Variants in ANAPC11 observed in about 807,000 individuals in gnomAD.
ANAPC11 encodes anaphase-promoting complex subunit 11.
In ANAPC11, 5 loss-of-function variants were observed where a neutral mutation model predicts 11.8. That is an observed-to-expected ratio of 0.42 (90% CI 0.22 to 0.89). The LOEUF is 0.89. Ranked by LOEUF, ANAPC11 falls within the 40% of genes least tolerant of loss-of-function variation. ANAPC11 has a pLI of 0.28. For missense variants in ANAPC11, 68 were observed against 112.9 expected (o/e 0.60, Z 1.80); for synonymous variants, 45 against 41.0 (o/e 1.10, Z -0.38).
chr17:81,895,481 A>G (rs2039709477), intron 3 of ANAPC11, among the ~76,000 whole-genome samples: 1 of 152,260 alleles, frequency 6.6e-6, no homozygotes, highest in African/African-American at 2.4e-5. Context: ...ACGTGGGATT[A>G]AAAAGAGATT....
chr17:81,891,135 G>T (rs892137189), upstream of ANAPC11: 3 of 601,624 alleles, frequency 5.0e-6, no homozygotes, highest in African/African-American at 3.9e-5. Context: ...TCCGGGACCG[G>T]ACCCCGAAAG....
chr17:81,893,944 T>A (rs967500859), intron 2 of ANAPC11, among the ~76,000 whole-genome samples: 3 of 151,774 alleles, frequency 2.0e-5, no homozygotes, highest in African/African-American at 7.3e-5. Flanking sequence ...GCCCTGACCC[T>A]CTGGGCCCAG....
upstream of ANAPC11, chr17:81,891,035 C>G (rs931806922): frequency 4.4e-5 from 33 of 745,794 alleles, no homozygotes; most frequent in Admixed American, 1.0e-3. Flanking sequence ...ACTAACTTCC[C>G]GCCGCCTGTG....
At chr17:81,899,474 C>T (rs774505492) in intron 3 of ANAPC11, 33 of 1,613,892 alleles carry the variant, frequency 2.0e-5, no homozygotes, top group Non-Finnish European at 2.8e-5. Context: ...CTCCTTGGTG[C>T]CTTGACCATT....
Position 81,899,844 on chromosome 17 carries a change from C to G in ANAPC11, c.110-76C>G, listed in dbSNP as rs964921412. On this transcript the variant is annotated intron_variant, in intron 3 of 3. Coordinates refer to ENST00000344877, the MANE Select transcript of ANAPC11 (RefSeq NM_001002248.3). ...AGCCACTGCCCAGGGTCCCTACCTGCACCCCTGCCTGGCTTGTCACATGCT... is the reference window on the plus strand; with the variant it reads ...AGCCACTGCCCAGGGTCCCTACCTGGACCCCTGCCTGGCTTGTCACATGCT... The G allele has an allele frequency of 2.4e-5, 35 of 1,449,688 alleles. No individual in the cohort carries two copies. The Admixed American group carries it at 3.0e-4, about 12-fold the overall frequency. The allele number at this position is 1,449,688 out of a possible 1,614,324, so 89.8% of individuals were successfully genotyped here.
Position 81,898,903 on chromosome 17 carries a change from C to CA in ANAPC11, c.110-1016dup, listed in dbSNP as rs531709242. ...CTAAACGAGGCCTCCCCCGAGTACT[C>CA]AGAGTGGCCCAGACCCCTCTCCTCA... is the stretch of plus-strand genomic sequence containing the variant. On this transcript the variant is annotated intron_variant, in intron 3 of 3. Coordinates refer to ENST00000344877, the MANE Select transcript of ANAPC11 (RefSeq NM_001002248.3). 149 of 359,120 alleles carry CA rather than the reference C, an allele frequency of 4.1e-4. 2 individuals are homozygous for CA. The East Asian group carries it at 4.8e-3, about 11-fold the overall frequency. 22.2% of individuals were successfully genotyped at this position (359,120 alleles called of 1,614,324 possible).
intron 3 of ANAPC11, chr17:81,899,659 G>T: frequency 1.0e-5 from 13 of 1,265,558 alleles, no homozygotes; most frequent in Non-Finnish European, 1.4e-5. Flanking sequence ...ATGAGCCTGG[G>T]TGAGGGGAGG....
At chr17:81,891,081 C>T, upstream of ANAPC11, 2 of 666,696 alleles carry the variant, frequency 3.0e-6, no homozygotes, top group Non-Finnish European at 4.9e-6. Flanking sequence ...TGCCACGAGG[C>T]CCCAACGTCC....
intron 3 of ANAPC11, chr17:81,898,571 GTGCTTC>G (rs2039820680): frequency 6.6e-6 from 1 of 152,388 alleles, no homozygotes; most frequent in African/African-American, 2.4e-5. Context: ...CGAGTCCAAT[GTGCTTC>G]CATACTAAGC....
intron 3 of ANAPC11, among the ~76,000 whole-genome samples, chr17:81,897,588 C>T (rs566991632): frequency 2.0e-5 from 3 of 152,160 alleles, no homozygotes; most frequent in East Asian, 3.9e-4. Flanking sequence ...GTGATCCTCC[C>T]ACCTCCACCT....
At chr17:81,894,805 C>T in intron 3 of ANAPC11, 1 of 423,206 alleles carries the variant, frequency 2.4e-6, no homozygotes, top group Non-Finnish European at 4.2e-6. Flanking sequence ...GCAACCTCTG[C>T]CTCCCGGGTT....
chr17:81,899,942 C>T lies in ANAPC11; in HGVS notation c.132C>T (p.Cys44=), dbSNP rs565397041. 6.2e-7 allele frequency: 1 copy of T among 1,610,366 alleles called. No homozygotes were observed. The highest frequency in any genetic ancestry group is 8.5e-7 in the Non-Finnish European group (1 of 1,177,758). ...TAGGCAAGGTGCCCGGCGACGACTG[C>T]CCGCTGGTGTGGGGCCAGTGCTCCC... is the stretch of plus-strand genomic sequence containing the variant. ...CPDCKVPGDD[C]PLVWGQCSHC... The change falls in exon 4 of 4, where the codon TGC becomes TGT. Residue 44 remains cysteine, a synonymous_variant. Transcript: ENST00000344877.
chr17:81,900,119 G>T lies in ANAPC11; in HGVS notation c.*54G>T. 1 of 1,605,898 alleles carries T rather than the reference G, an allele frequency of 6.2e-7. No homozygotes were observed. Among genetic ancestry groups the T allele is most frequent in the Non-Finnish European group, 8.5e-7 (1 of 1,176,768 alleles). ...ATCCTGAGACTCCTTCCTCATGCTG[G>T]CGCCGATGGCTGCTGGGGACAGCGC... On this transcript the variant is annotated 3_prime_UTR_variant, in exon 4 of 4. Transcript: ENST00000344877.
intron 3 of ANAPC11, chr17:81,898,833 C>T: frequency 9.2e-6 from 2 of 217,526 alleles, no homozygotes; most frequent in Non-Finnish European, 9.2e-6. Context: ...ACACCCCAGG[C>T]CGGCTTCGGG....
chr17:81,892,179 A>G (rs1323877680), intron 1 of ANAPC11: 1 of 152,198 alleles, frequency 6.6e-6, no homozygotes, highest in Non-Finnish European at 1.5e-5. Context: ...TATCCTTTAC[A>G]AGTTTTCTTG....
chr17:81,893,657 C>G (rs2039631821), intron 2 of ANAPC11, 43 bp downstream of exon 2: 1 of 152,046 alleles, frequency 6.6e-6, no homozygotes. Flanking sequence ...CAAATGTGAT[C>G]TCCTTGTCCG....
downstream of ANAPC11, chr17:81,900,299 T>A (rs2039898896): frequency 1.6e-6 from 1 of 610,636 alleles, no homozygotes; most frequent in Non-Finnish European, 2.8e-6. Context: ...ATAGATGTGG[T>A]CTCGGTGTGT....
Position 81,900,250 on chromosome 17 carries a change from A to G in ANAPC11, c.*185A>G. On this transcript the variant is annotated 3_prime_UTR_variant, in exon 4 of 4. Transcript: ENST00000344877. The stretch of plus-strand genomic sequence containing the variant: ...AGTGAAAACTCATTAAACTACTCAA[A>G]TCTTGCTGGAGGCCTCTGGGTGCCT... 1 of 932,468 alleles carries G rather than the reference A, an allele frequency of 1.1e-6. No homozygotes were observed. Among genetic ancestry groups the G allele is most frequent in the South Asian group, 1.7e-5 (1 of 57,146 alleles). 57.8% of individuals were successfully genotyped at this position (932,468 alleles called of 1,614,324 possible).
At position 81,894,501 on chromosome 17, in the gene ANAPC11, G is replaced by T. The variant is rs1567867640; in HGVS notation, c.24G>T (p.Trp8Cys). ...CCATGAAGGTGAAGATTAAGTGCTG[G>T]AACGGCGTGGCCACTTGGCTCTGGG... MKVKIKC[W>C]NGVATWLWVA... The change falls in exon 3 of 4, where the codon TGG becomes TGT. Residue 8 changes from tryptophan (W) to cysteine (C), a missense_variant. Transcript: ENST00000344877. The T allele has an allele frequency of 1.2e-6, 2 of 1,612,948 alleles. No homozygotes were observed. Among genetic ancestry groups the T allele is most frequent in the Non-Finnish European group, 1.7e-6 (2 of 1,179,302 alleles).
Sources: allele counts gnomAD v4.1 joint callset (sites outside exome capture counted in the v4.1 genomes callset), GRCh38; gene constraint gnomAD v4.1.1; transcripts MANE v1.5; gene names NCBI Gene and HGNC (gene_info 2026-07-23, HGNC 2026-07-21).